MYO5C: variants seen among roughly 807,000 people sequenced by gnomAD.
The protein encoded by MYO5C is unconventional myosin-Vc.
Under a neutral mutation model 235.7 loss-of-function variants are expected in MYO5C, and 194 were observed. The observed-to-expected ratio is 0.82, with a 90% CI of 0.73 to 0.93. The LOEUF (loss-of-function observed/expected upper bound fraction) is 0.93, where lower values mean the gene tolerates loss of function less well. Among genes scored for constraint, MYO5C ranks in the 40% least tolerant of loss-of-function variants. The pLI is 0.00. For missense variants in MYO5C, 2,038 were observed against 2,127.2 expected, an observed-to-expected ratio of 0.96 and a Z score of 0.82; for synonymous variants, 707 against 754.8, an observed-to-expected ratio of 0.94 and a Z score of 1.04.
At chr15:52,201,577 A>C (rs2035188112) in intron 38 of MYO5C, among the ~76,000 whole-genome samples, 1 of 152,232 alleles carries the variant, frequency 6.6e-6, no homozygotes, top group Admixed American at 6.5e-5. Flanking sequence ...ACTTGGAAAA[A>C]AATGAGACTT....
chr15:52,257,540 AAC>A (rs1299408959), intron 10 of MYO5C, among the ~76,000 whole-genome samples: 1 of 152,190 alleles, frequency 6.6e-6, no homozygotes, highest in African/African-American at 2.4e-5. Flanking sequence ...GGCCGAACAA[AAC>A]AGAGGCACCA....
intron 23 of MYO5C, among the ~76,000 whole-genome samples, chr15:52,234,310 G>A (rs6493547): frequency 0.18 from 26,673 of 152,170 alleles, 4,422 homozygotes; most frequent in East Asian, 0.6. Context: ...TTGCCATGTC[G>A]GGGGAGGCGC....
chr15:52,295,552 A>G (rs913462183), intron 1 of MYO5C, 58 bp downstream of exon 1: 7 of 1,492,574 alleles, frequency 4.7e-6, no homozygotes, highest in African/African-American at 4.4e-5. Flanking sequence ...AGGTCGAGTC[A>G]GCGTTAGCAG....
chr15:52,212,432 G>A (rs1161487746), intron 34 of MYO5C, among the ~76,000 whole-genome samples: 1 of 152,216 alleles, frequency 6.6e-6, no homozygotes, highest in African/African-American at 2.4e-5. Context: ...CAGGAAGACA[G>A]AAGAACAAAG....
chr15:52,244,235 T>A, intron 19 of MYO5C, 121 bp downstream of exon 19: 1 of 896,736 alleles, frequency 1.1e-6, no homozygotes, highest in South Asian at 1.7e-5. Context: ...AGGGGACCCA[T>A]GCACGTCTGC....
intron 5 of MYO5C, among the ~76,000 whole-genome samples, chr15:52,274,958 A>G (rs889078892): frequency 3.3e-5 from 5 of 152,212 alleles, no homozygotes; most frequent in African/African-American, 1.2e-4. Context: ...GTTGGCTTGC[A>G]GGACCCTCCT....
intron 24 of MYO5C, among the ~76,000 whole-genome samples, chr15:52,231,488 T>C (rs1948424481): frequency 6.6e-6 from 1 of 152,186 alleles, no homozygotes; most frequent in Non-Finnish European, 1.5e-5. Context: ...GCTCTTCTCC[T>C]CACATTAAAA....
intron 25 of MYO5C, among the ~76,000 whole-genome samples, 182 bp from the exon 26 acceptor site, chr15:52,225,714 A>G (rs2035807527): frequency 6.6e-6 from 1 of 152,188 alleles, no homozygotes; most frequent in South Asian, 2.1e-4. Flanking sequence ...AAGCATGCTT[A>G]ACTACTCAAA....
rs760251847 is a variant in MYO5C, at chr15:52,195,408, C to G, written c.5045G>C (p.Arg1682Thr). Residue 1682 changes from arginine to threonine, a missense_variant, in exon 40 of 41, where the codon AGA becomes ACA. By Grantham distance (71) the Arg-to-Thr change is moderately conservative. Coordinates refer to ENST00000261839, the MANE Select transcript of MYO5C (RefSeq NM_018728.4). ...SYTPIDDFEK[R>T]VTPSFVRKVQ... Reference sequence around the variant, plus strand: ...TTTGCGAACAAAGGATGGAGTCACTCTCTTCTCAAAGTCATCTATAGGTGT... The same window carrying G: ...TTTGCGAACAAAGGATGGAGTCACTGTCTTCTCAAAGTCATCTATAGGTGT... The G allele has an allele frequency of 1.2e-6, 2 of 1,613,446 alleles. No homozygotes were observed. The highest frequency in any genetic ancestry group is 1.7e-6 in the Non-Finnish European group (2 of 1,179,702).
chr15:52,245,836 T>C, intron 17 of MYO5C, 120 bp downstream of exon 17: 1 of 861,478 alleles, frequency 1.2e-6, no homozygotes, highest in South Asian at 1.6e-5. Flanking sequence ...GGGAAAATCT[T>C]GGGGGCACTT....
intron 5 of MYO5C, among the ~76,000 whole-genome samples, chr15:52,274,673 C>CCT (rs1555420128): frequency 2.2e-5 from 3 of 134,672 alleles, no homozygotes; most frequent in African/African-American, 1.1e-4. Flanking sequence ...TCTTAGTACC[C>CCT]CCCCCCCGAC....
At chr15:52,256,806 T>G (rs2036595685) in intron 10 of MYO5C, 86 bp from the exon 11 acceptor site, 1 of 1,046,142 alleles carries the variant, frequency 9.6e-7, no homozygotes, top group African/African-American at 1.6e-5. Flanking sequence ...ACTTAAAAGC[T>G]TAAACGTTTG....
At chr15:52,204,407 TCTC>T (rs769545587) in intron 38 of MYO5C, among the ~76,000 whole-genome samples, 5 of 152,026 alleles carry the variant, frequency 3.3e-5, no homozygotes, top group East Asian at 1.9e-4. Context: ...CTGCAATGTC[TCTC>T]CTCTCTGATA....
At chr15:52,256,471 A>C (rs1010869916) in intron 11 of MYO5C, among the ~76,000 whole-genome samples, 168 bp downstream of exon 11, 8 of 151,976 alleles carry the variant, frequency 5.3e-5, no homozygotes, top group African/African-American at 1.7e-4. Flanking sequence ...TGTGATTTCA[A>C]GATTTGGCCA....
chr15:52,254,403 C>A (rs1332919088), intron 11 of MYO5C, among the ~76,000 whole-genome samples: 1 of 152,040 alleles, frequency 6.6e-6, no homozygotes, highest in Non-Finnish European at 1.5e-5. Flanking sequence ...GGGTCCATGG[C>A]GTGACTTGAC....
chr15:52,227,159 C>A (rs1029000484), intron 25 of MYO5C, among the ~76,000 whole-genome samples: 4 of 150,422 alleles, frequency 2.7e-5, no homozygotes, highest in Non-Finnish European at 5.9e-5. Context: ...TCAAAAAAAA[C>A]CCAAAAAACA....
rs369123309 is a variant in MYO5C, at chr15:52,260,954, A to C, written c.1221T>G (p.Ala407=). Residue 407 remains alanine (A), a synonymous_variant, in exon 10 of 41, where the codon GCT becomes GCG. Coordinates refer to ENST00000261839, the MANE Select transcript of MYO5C (RefSeq NM_018728.4). ...ARDALAKKIY[A]HLFDFIVERI... ...TCTCCACAATGAAGTCGAACAGGTG[A>C]GCATAGATCTTTTTGGCCAGTGCAT... 6.3e-5 allele frequency: 101 copies of C among 1,614,096 alleles called. No individual in the cohort carries two copies. Among genetic ancestry groups the C allele is most frequent in the Non-Finnish European group, 7.8e-5 (92 of 1,180,046 alleles).
intron 10 of MYO5C, among the ~76,000 whole-genome samples, chr15:52,259,618 TCAAA>T (rs763913438): frequency 6.6e-6 from 1 of 152,248 alleles, no homozygotes; most frequent in Non-Finnish European, 1.5e-5. Flanking sequence ...AACTGGCTGC[TCAAA>T]CACTTTCTGG....
chr15:52,207,044 A>G (rs1020294934), intron 36 of MYO5C, among the ~76,000 whole-genome samples: 1 of 152,092 alleles, frequency 6.6e-6, no homozygotes, highest in African/African-American at 2.4e-5. Context: ...GAGGCAGGAG[A>G]ATTGCTTGAA....
Sources: gnomAD v4.1 joint callset for allele counts (sites outside exome capture counted in the v4.1 genomes callset) on GRCh38, gnomAD v4.1.1 for gene constraint, MANE v1.5 for transcripts, NCBI Gene and HGNC (gene_info 2026-07-23, HGNC 2026-07-21) for gene names.